The following UBE2L3 variants were observed in gnomAD, a reference collection of about 807,000 sequenced individuals.
The protein encoded by UBE2L3 is ubiquitin conjugating enzyme E2 L3, also known as ubiquitin-conjugating enzyme E2 L3.
Under a neutral mutation model 17.8 loss-of-function variants are expected in UBE2L3, and 1 was observed. The observed-to-expected ratio is 0.06, with a 90% CI of 0.02 to 0.27. The LOEUF is 0.27. Ranked by LOEUF, UBE2L3 falls within the 10% of genes least tolerant of loss-of-function variation. The pLI, the probability that UBE2L3 is intolerant of heterozygous loss-of-function variation, is 1.00. For synonymous variants in UBE2L3, 44 were observed against 68.5 expected (o/e 0.64, Z 1.76); for missense variants, 40 against 192.6 (o/e 0.21, Z 4.69).
Position 21,621,998 on chromosome 22 carries a change from G to T in UBE2L3, c.*329G>T. 4.7e-6 allele frequency: 1 copy of T among 210,570 alleles called. No homozygotes were observed. Among genetic ancestry groups the T allele is most frequent in the South Asian group, 7.7e-5 (1 of 13,012 alleles). The allele number at this position is 210,570 out of a possible 1,614,324, so 13.0% of individuals were successfully genotyped here. On this transcript the variant is annotated 3_prime_UTR_variant, in exon 4 of 4. Transcript: ENST00000342192. ...TTAACCCATAAGGTTTAAAAAAAAG[G>T]AAAAAAAACGGTTGTGGTTCCCTTT...
At chr22:21,608,749 T>TTC (rs1365750397) in intron 2 of UBE2L3, among the ~76,000 whole-genome samples, 5 of 148,012 alleles carry the variant, frequency 3.4e-5, no homozygotes, top group African/African-American at 7.4e-5. Flanking sequence ...TAATTTTTTT[T>TTC]TTTTTTTTTT....
chr22:21,580,943 A>G (rs1039847942), intron 1 of UBE2L3, among the ~76,000 whole-genome samples: 1 of 151,584 alleles, frequency 6.6e-6, no homozygotes, highest in Non-Finnish European at 1.5e-5. Context: ...CAGTGGCATG[A>G]TCATAACTCA....
At chr22:21,562,786 T>A (rs1308200897), upstream of UBE2L3, among the ~76,000 whole-genome samples, 1 of 147,560 alleles carries the variant, frequency 6.8e-6, no homozygotes, top group Non-Finnish European at 1.5e-5. Flanking sequence ...ATTACAGGCG[T>A]GAGCCACCGC....
intron 2 of UBE2L3, among the ~76,000 whole-genome samples, chr22:21,605,499 T>TTTTTTC (rs961428672): frequency 2.6e-5 from 4 of 152,200 alleles, no homozygotes; most frequent in South Asian, 2.1e-4. Context: ...AGGGTTTCTT[T>TTTTTTC]TTTTTCTTTT....
chr22:21,580,759 AT>A (rs1240605775), intron 1 of UBE2L3, among the ~76,000 whole-genome samples: 5 of 151,592 alleles, frequency 3.3e-5, no homozygotes. Context: ...TAATTTTTGT[AT>A]TTTTAGTAGA....
intron 2 of UBE2L3, among the ~76,000 whole-genome samples, chr22:21,593,801 T>A (rs1601419349): frequency 6.6e-6 from 1 of 152,254 alleles, no homozygotes; most frequent in East Asian, 1.9e-4. Flanking sequence ...ACGGGCAGCA[T>A]TCCAGCCCCC....
At chr22:21,617,391 C>T (rs1368834813) in intron 3 of UBE2L3, among the ~76,000 whole-genome samples, 1 of 152,066 alleles carries the variant, frequency 6.6e-6, no homozygotes, top group South Asian at 2.1e-4. Flanking sequence ...CTCAGCCTCC[C>T]GAGTAGCTGG....
intron 2 of UBE2L3, among the ~76,000 whole-genome samples, chr22:21,603,671 G>A (rs566101578): frequency 2.6e-5 from 4 of 151,368 alleles, no homozygotes; most frequent in Admixed American, 1.3e-4. Flanking sequence ...GTGAAACCCC[G>A]TCTCTACTAA....
At chr22:21,590,476 G>A (rs1928195513) in intron 1 of UBE2L3, among the ~76,000 whole-genome samples, 1 of 152,230 alleles carries the variant, frequency 6.6e-6, no homozygotes, top group South Asian at 2.1e-4. Context: ...GGGATTACAG[G>A]CGTGAGCCAA....
At chr22:21,559,962 T>A (rs975870887) in intron 1 of UBE2L3, among the ~76,000 whole-genome samples, 1 of 152,294 alleles carries the variant, frequency 6.6e-6, no homozygotes, top group African/African-American at 2.4e-5. Flanking sequence ...CTGGTCCACA[T>A]CTTCCTGGGC....
chr22:21,573,447 T>A (rs1927094298), intron 1 of UBE2L3, among the ~76,000 whole-genome samples: 1 of 152,178 alleles, frequency 6.6e-6, no homozygotes, highest in Non-Finnish European at 1.5e-5. Flanking sequence ...GGGCAATTCC[T>A]CTGCCCTTGA....
intron 1 of UBE2L3, among the ~76,000 whole-genome samples, chr22:21,588,762 C>T (rs1426497753): frequency 1.3e-5 from 2 of 151,970 alleles, no homozygotes; most frequent in Non-Finnish European, 2.9e-5. Flanking sequence ...CTCCTGGGTT[C>T]AAGCAGTTCT....
intron 2 of UBE2L3, among the ~76,000 whole-genome samples, chr22:21,604,036 C>T (rs1331925144): frequency 1.3e-5 from 2 of 151,288 alleles, no homozygotes; most frequent in Non-Finnish European, 2.9e-5. Context: ...CTCGGCCTTC[C>T]AAAGTGCTGG....
chr22:21,559,144 T>C (rs567035008), intron 1 of UBE2L3, among the ~76,000 whole-genome samples: 4 of 151,926 alleles, frequency 2.6e-5, no homozygotes, highest in Admixed American at 6.6e-5. Context: ...ATCAGGAGAT[T>C]GAGACCAGCC....
intron 1 of UBE2L3, chr22:21,568,175 G>A (rs1926746751): frequency 1.0e-6 from 1 of 1,002,792 alleles, no homozygotes; most frequent in African/African-American, 1.7e-5. Flanking sequence ...CCCGCGCCGC[G>A]GAACCGCCCC....
intron 1 of UBE2L3, among the ~76,000 whole-genome samples, chr22:21,569,884 G>C (rs1162127962): frequency 6.6e-6 from 1 of 152,104 alleles, no homozygotes; most frequent in Admixed American, 6.6e-5. Flanking sequence ...GATCGAATTC[G>C]GTTCTTTCTC....
upstream of UBE2L3, among the ~76,000 whole-genome samples, chr22:21,563,548 G>A (rs528232093): frequency 1.3e-4 from 19 of 143,794 alleles, no homozygotes; most frequent in African/African-American, 4.3e-4. Flanking sequence ...GGCGAAGAGC[G>A]AGACTCCGTC....
At chr22:21,599,956 A>C (rs1359111580) in intron 2 of UBE2L3, among the ~76,000 whole-genome samples, 1 of 152,206 alleles carries the variant, frequency 6.6e-6, no homozygotes, top group African/African-American at 2.4e-5. Flanking sequence ...TTAATTGTAG[A>C]TACAATTCAG....
intron 3 of UBE2L3, chr22:21,614,706 A>C: frequency 7.9e-7 from 1 of 1,267,962 alleles, no homozygotes; most frequent in Non-Finnish European, 1.1e-6. Flanking sequence ...AAAGATGCTC[A>C]TATGACCCAG....
Sources: gnomAD v4.1 joint callset for allele counts (sites outside exome capture counted in the v4.1 genomes callset) on GRCh38, gnomAD v4.1.1 for gene constraint, MANE v1.5 for transcripts, NCBI Gene and HGNC (gene_info 2026-07-23, HGNC 2026-07-21) for gene names.